TCF12: variants seen among roughly 807,000 people sequenced by gnomAD.
The protein encoded by TCF12 is DNA-binding protein HTF4.
In TCF12, 45 loss-of-function variants were observed where a neutral mutation model predicts 86.0. The observed-to-expected ratio is 0.52, with a 90% confidence interval of 0.41 to 0.67. The LOEUF (loss-of-function observed/expected upper bound fraction) is 0.67. Among genes scored for constraint, TCF12 ranks in the 30% least tolerant of loss-of-function variants. TCF12 has a pLI of 0.00. For synonymous variants in TCF12, 330 were observed against 299.6 expected (o/e 1.10, Z -1.05); for missense variants, 881 against 859.9 (o/e 1.02, Z -0.31).
At chr15:57,044,391 G>A (rs2733176) in intron 3 of TCF12, among the ~76,000 whole-genome samples, 82,661 of 151,744 alleles carry the variant, frequency 0.54, 23,543 homozygotes, top group African/African-American at 0.7. Flanking sequence ...ATGAAACCCC[G>A]TCTCTTAAAA....
intron 6 of TCF12, among the ~76,000 whole-genome samples, chr15:57,190,346 T>C (rs1426622516): frequency 6.6e-6 from 1 of 152,242 alleles, no homozygotes; most frequent in East Asian, 1.9e-4. Flanking sequence ...TTAGGGCTAC[T>C]GTTCCAAAGC....
intron 19 of TCF12, among the ~76,000 whole-genome samples, chr15:57,276,361 T>A (rs922086695): frequency 1.3e-5 from 2 of 152,214 alleles, no homozygotes; most frequent in Non-Finnish European, 2.9e-5. Flanking sequence ...CTGCAATCTT[T>A]CCTACATCCC....
At chr15:57,186,918 C>G (rs747524712) in intron 6 of TCF12, among the ~76,000 whole-genome samples, 4 of 152,174 alleles carry the variant, frequency 2.6e-5, no homozygotes, top group Non-Finnish European at 5.9e-5. Context: ...TGGTGGCTCA[C>G]ACCAGTAATT....
At chr15:57,081,965 C>T (rs561027860) in intron 4 of TCF12, among the ~76,000 whole-genome samples, 14 of 152,300 alleles carry the variant, frequency 9.2e-5, no homozygotes, top group Non-Finnish European at 1.9e-4. Flanking sequence ...ACTGATCTAT[C>T]AGCTGTGGCT....
At chr15:57,177,335 T>C (rs1359880735) in intron 6 of TCF12, among the ~76,000 whole-genome samples, 3 of 149,802 alleles carry the variant, frequency 2.0e-5, no homozygotes, top group Non-Finnish European at 3.0e-5. Flanking sequence ...AATGGCATGA[T>C]CTTGGCTCCC....
At chr15:57,099,229 G>GT (rs2049553278) in intron 5 of TCF12, among the ~76,000 whole-genome samples, 1 of 152,148 alleles carries the variant, frequency 6.6e-6, no homozygotes, top group Non-Finnish European at 1.5e-5. Flanking sequence ...CTCTGAAGCT[G>GT]TTTCTGTGAG....
At chr15:57,081,265 A>C (rs1010730105) in intron 4 of TCF12, among the ~76,000 whole-genome samples, 8 of 152,138 alleles carry the variant, frequency 5.3e-5, no homozygotes, top group African/African-American at 9.7e-5. Context: ...TCAGTTCACA[A>C]TAGTTCTATC....
At chr15:57,247,837 T>C in intron 13 of TCF12, 2 of 753,358 alleles carry the variant, frequency 2.7e-6, no homozygotes, top group Non-Finnish European at 2.4e-6. Context: ...AACGTGTTTT[T>C]TGGGGTCTCA....
At chr15:57,079,600 G>A (rs749475527) in intron 4 of TCF12, among the ~76,000 whole-genome samples, 46 of 152,214 alleles carry the variant, frequency 3.0e-4, no homozygotes, top group South Asian at 6.2e-4. Flanking sequence ...AAATCCCTCC[G>A]CTGTGTGATT....
intron 3 of TCF12, among the ~76,000 whole-genome samples, chr15:57,056,204 A>C (rs537191091): frequency 2.6e-4 from 39 of 151,338 alleles, no homozygotes; most frequent in South Asian, 1.7e-3. Context: ...GCAATGGTAC[A>C]ATCTCAGCTC....
At chr15:57,142,861 C>G (rs1323332061) in intron 5 of TCF12, among the ~76,000 whole-genome samples, 1 of 151,852 alleles carries the variant, frequency 6.6e-6, no homozygotes, top group Non-Finnish European at 1.5e-5. Context: ...AAATACCATG[C>G]AAAATAAATT....
At chr15:57,266,092 T>C in intron 18 of TCF12, among the ~76,000 whole-genome samples, 1 of 31,644 alleles carries the variant, frequency 3.2e-5, no homozygotes, top group African/African-American at 2.9e-4. Context: ...TTTTATTATT[T>C]ATTTATTTAT....
intron 12 of TCF12, among the ~76,000 whole-genome samples, chr15:57,234,333 G>A (rs2059293473): frequency 6.6e-6 from 1 of 152,156 alleles, no homozygotes; most frequent in Non-Finnish European, 1.5e-5. Flanking sequence ...AGCACCAACT[G>A]CCAAGATTAA....
intron 5 of TCF12, among the ~76,000 whole-genome samples, chr15:57,165,434 T>C (rs1044210597): frequency 6.6e-6 from 1 of 152,098 alleles, no homozygotes; most frequent in Non-Finnish European, 1.5e-5. Flanking sequence ...TTCGAGAACA[T>C]GAATATATAT....
chr15:57,237,959 A>T (rs2059448046), intron 12 of TCF12, among the ~76,000 whole-genome samples: 1 of 152,170 alleles, frequency 6.6e-6, no homozygotes, highest in Non-Finnish European at 1.5e-5. Context: ...CTTTTTATGA[A>T]AGTAAAAGTG....
chr15:57,035,388 C>T (rs377202888), intron 3 of TCF12, among the ~76,000 whole-genome samples: 31 of 152,264 alleles, frequency 2.0e-4, no homozygotes, highest in African/African-American at 7.2e-4. Context: ...ATCAGCCTCT[C>T]AAGAAGCTAG....
intron 3 of TCF12, among the ~76,000 whole-genome samples, chr15:56,984,014 A>AAAAAAAAAAAAAAAAAAAGAAG (rs777234282): frequency 7.7e-5 from 8 of 104,444 alleles, no homozygotes; most frequent in East Asian, 3.4e-4. Context: ...AAAAAAAAAA[A>AAAAAAAAAAAAAAAAAAAGAAG]AAGAAGAAGA....
chr15:57,282,585 T>A lies in TCF12; in HGVS notation c.2119T>A (p.Ter707LysextTer15). The A allele has an allele frequency of 6.2e-7, 1 of 1,612,694 alleles. No individual in the cohort carries two copies. Among genetic ancestry groups the A allele is most frequent in the Non-Finnish European group, 8.5e-7 (1 of 1,179,688 alleles). ...SETTNPMGHM[*>K] ...AACTACCAACCCTATGGGTCATATG[T>A]AAACATCAGCCAGGTAAGTACGGGT... Residue 707 changes from the stop codon to lysine (K), a stop_lost, in exon 20 of 21, where the codon TAA becomes AAA. Coordinates refer to ENST00000333725, the MANE Select transcript of TCF12 (RefSeq NM_207037.2).
intron 8 of TCF12, 137 bp from the exon 9 acceptor site, chr15:57,231,015 T>C: frequency 1.7e-6 from 1 of 599,154 alleles, no homozygotes; most frequent in East Asian, 2.8e-5. Context: ...ATTTAGGCAG[T>C]ATTCTTTTCA....
Sources: gnomAD v4.1 joint callset for allele counts (sites outside exome capture counted in the v4.1 genomes callset) on GRCh38, gnomAD v4.1.1 for gene constraint, MANE v1.5 for transcripts, NCBI Gene and HGNC (gene_info 2026-07-23, HGNC 2026-07-21) for gene names.